ADAMTS12: variants seen among roughly 807,000 people sequenced by gnomAD.
ADAMTS12 encodes A disintegrin and metalloproteinase with thrombospondin motifs 12.
A neutral mutation model predicts 167.8 loss-of-function variants in ADAMTS12; 118 were observed. The observed-to-expected ratio is 0.70, with a 90% CI of 0.61 to 0.82. ADAMTS12 has a LOEUF of 0.82. Ranked by LOEUF, ADAMTS12 falls within the 40% of genes least tolerant of loss-of-function variation. The pLI is 0.00. For missense variants in ADAMTS12, 1,916 were observed against 1,998.8 expected (o/e 0.96, Z 0.79); for synonymous variants, 704 against 716.9 (o/e 0.98, Z 0.29).
chr5:33,839,812 C>T (rs942383076), intron 2 of ADAMTS12, among the ~76,000 whole-genome samples: 3 of 152,164 alleles, frequency 2.0e-5, no homozygotes, highest in Non-Finnish European at 4.4e-5. Flanking sequence ...CGCATTTGTC[C>T]GTGCTATCAT....
chr5:33,809,366 G>A (rs1362913696), intron 2 of ADAMTS12, among the ~76,000 whole-genome samples: 2 of 152,144 alleles, frequency 1.3e-5, no homozygotes, highest in Non-Finnish European at 2.9e-5. Flanking sequence ...GCCCCCAAAT[G>A]CTTTGAAGAT....
intron 2 of ADAMTS12, among the ~76,000 whole-genome samples, chr5:33,788,849 G>A (rs554080427): frequency 6.6e-6 from 1 of 152,312 alleles, no homozygotes; most frequent in South Asian, 2.1e-4. Flanking sequence ...AAAAGGGGCT[G>A]GGCAGGTATC....
At chr5:33,658,370 G>A (rs1157504343) in intron 6 of ADAMTS12, 37 bp from the exon 7 acceptor site, 1 of 1,600,906 alleles carries the variant, frequency 6.2e-7, no homozygotes, top group African/African-American at 1.3e-5. Context: ...GGCGCCCAAA[G>A]GAACATCTGG....
chr5:33,670,132 G>T lies in ADAMTS12; in HGVS notation c.916-8092C>A, dbSNP rs546275453. Among the ~76,000 whole-genome samples, 39 of 141,324 alleles carry T rather than the reference G, an allele frequency of 2.8e-4. 1 individual carries two copies. In the South Asian group the frequency reaches 7.2e-3, roughly 26 times the overall value. 92.7% of individuals were successfully genotyped at this position (141,324 alleles called of 152,430 possible). Reference sequence around the variant, plus strand: ...GACGAAAGACTTATATTTAAAATACGTAAAGAGCTCTCAACACTCAACAAT... The same window carrying T: ...GACGAAAGACTTATATTTAAAATACTTAAAGAGCTCTCAACACTCAACAAT... On this transcript the variant is annotated intron_variant, in intron 5 of 23. Coordinates refer to ENST00000504830, the MANE Select transcript of ADAMTS12 (RefSeq NM_030955.4).
chr5:33,654,934 C>T (rs1448978524), intron 7 of ADAMTS12, among the ~76,000 whole-genome samples: 5 of 146,542 alleles, frequency 3.4e-5, no homozygotes. Context: ...TTGCCATCAT[C>T]AGTTCCAAGT....
chr5:33,688,833 C>T (rs1561215757), intron 3 of ADAMTS12, among the ~76,000 whole-genome samples: 2 of 152,228 alleles, frequency 1.3e-5, no homozygotes, highest in African/African-American at 4.8e-5. Flanking sequence ...GGATTCTCTT[C>T]TACACCCTTA....
chr5:33,732,987 T>A (rs530758373), intron 3 of ADAMTS12, among the ~76,000 whole-genome samples: 1 of 151,854 alleles, frequency 6.6e-6, no homozygotes, highest in African/African-American at 2.4e-5. Flanking sequence ...CTGTGCAGAA[T>A]GAATTTACAC....
At chr5:33,647,233 T>A (rs1740701060) in intron 9 of ADAMTS12, among the ~76,000 whole-genome samples, 1 of 152,162 alleles carries the variant, frequency 6.6e-6, no homozygotes, top group East Asian at 1.9e-4. Flanking sequence ...TTTTAGGAAA[T>A]TTGTACTTTA....
chr5:33,546,455 G>T (rs959503648), intron 21 of ADAMTS12, among the ~76,000 whole-genome samples: 2 of 151,980 alleles, frequency 1.3e-5, no homozygotes, highest in African/African-American at 4.8e-5. Flanking sequence ...ATAAGGAGGA[G>T]AAAAGTCAGA....
intron 11 of ADAMTS12, among the ~76,000 whole-genome samples, chr5:33,639,899 C>T (rs1444954489): frequency 2.6e-5 from 4 of 152,194 alleles, no homozygotes; most frequent in Non-Finnish European, 4.4e-5. Context: ...TTGACCAAGG[C>T]AGTTCACATA....
chr5:33,743,027 G>C (rs1240532528), intron 3 of ADAMTS12, among the ~76,000 whole-genome samples: 1 of 152,216 alleles, frequency 6.6e-6, no homozygotes, highest in Non-Finnish European at 1.5e-5. Flanking sequence ...GTCAGGGAAG[G>C]CTTCTCTGGG....
intron 1 of ADAMTS12, among the ~76,000 whole-genome samples, chr5:33,890,728 T>C (rs1750813329): frequency 6.6e-6 from 1 of 152,142 alleles, no homozygotes; most frequent in Admixed American, 6.5e-5. Context: ...TGTGTGTGCG[T>C]GTGTGTCCCT....
intron 2 of ADAMTS12, among the ~76,000 whole-genome samples, chr5:33,786,076 G>GT (rs528601729): frequency 6.6e-6 from 1 of 152,310 alleles, no homozygotes; most frequent in South Asian, 2.1e-4. Context: ...ACTACATCTT[G>GT]TATGATTCCA....
intron 2 of ADAMTS12, among the ~76,000 whole-genome samples, chr5:33,842,335 T>G (rs1748775332): frequency 1.3e-5 from 2 of 152,230 alleles, no homozygotes; most frequent in Admixed American, 6.5e-5. Flanking sequence ...TTTACATAAA[T>G]TTAAAAGGTG....
chr5:33,552,838 G>T (rs371205694), intron 20 of ADAMTS12, among the ~76,000 whole-genome samples: 1 of 152,026 alleles, frequency 6.6e-6, no homozygotes, highest in African/African-American at 2.4e-5. Context: ...AATTACAATA[G>T]AAGCAAAAAT....
intron 18 of ADAMTS12, among the ~76,000 whole-genome samples, chr5:33,584,500 C>T (rs1239278097): frequency 1.3e-5 from 2 of 151,986 alleles, no homozygotes; most frequent in Non-Finnish European, 2.9e-5. Flanking sequence ...ACTTAAGGGG[C>T]CACAAATCAG....
intron 3 of ADAMTS12, among the ~76,000 whole-genome samples, chr5:33,697,979 C>T (rs1259272876): frequency 1.3e-5 from 2 of 152,182 alleles, no homozygotes; most frequent in African/African-American, 2.4e-5. Flanking sequence ...GAATTTTAAG[C>T]GTTATTCCTA....
chr5:33,826,136 G>A (rs1172673496), intron 2 of ADAMTS12, among the ~76,000 whole-genome samples: 2 of 152,116 alleles, frequency 1.3e-5, no homozygotes, highest in Non-Finnish European at 2.9e-5. Flanking sequence ...ATGATTTGTT[G>A]GTGAGAAGAG....
At chr5:33,594,200 CT>C (rs1747794277) in intron 17 of ADAMTS12, among the ~76,000 whole-genome samples, 1 of 152,142 alleles carries the variant, frequency 6.6e-6, no homozygotes. Context: ...GATTTGATGG[CT>C]TTATTAGGGC....
Sources: allele counts gnomAD v4.1 joint callset (sites outside exome capture counted in the v4.1 genomes callset), GRCh38; gene constraint gnomAD v4.1.1; transcripts MANE v1.5; gene names NCBI Gene and HGNC (gene_info 2026-07-23, HGNC 2026-07-21).